Variants in KIF26B observed in about 807,000 individuals in gnomAD.
The protein encoded by KIF26B is kinesin-like protein KIF26B.
Under a neutral mutation model 151.2 loss-of-function variants are expected in KIF26B, and 63 were observed. The ratio of observed to expected loss-of-function variants is 0.42; its 90% confidence interval spans 0.34 to 0.51. The LOEUF (loss-of-function observed/expected upper bound fraction) is 0.51, where lower values mean the gene tolerates loss of function less well. KIF26B is among the 20% of genes least tolerant of loss of function. The probability of loss-of-function intolerance (pLI) is 0.07; values close to 1 mark genes in which losing one functional copy is unlikely to be tolerated. For missense variants in KIF26B, 2,813 were observed against 2,913.6 expected (o/e 0.97, Z 0.79); for synonymous variants, 1,357 against 1,262.1 (o/e 1.08, Z -1.59).
Position 245,596,957 on chromosome 1 carries a change from C to G in KIF26B, c.1351-5620C>G, listed in dbSNP as rs894219252. Among the ~76,000 whole-genome samples, 4 of 152,108 alleles carry G rather than the reference C, an allele frequency of 2.6e-5. No homozygotes were observed. In the East Asian group the frequency reaches 7.7e-4, roughly 29 times the overall value. Reference sequence around the variant, plus strand: ...TTTATCAGACACTACGACCGCAACCCTTGCTTTTTTTGTTTGTTTTCCATT... The same window carrying G: ...TTTATCAGACACTACGACCGCAACCGTTGCTTTTTTTGTTTGTTTTCCATT... On this transcript the variant is annotated intron_variant, in intron 5 of 14. Coordinates refer to ENST00000407071, the MANE Select transcript of KIF26B (RefSeq NM_018012.4).
intron 10 of KIF26B, among the ~76,000 whole-genome samples, chr1:245,663,278 AT>A (rs58826037): frequency 0.68 from 101,569 of 149,164 alleles, 34,517 homozygotes; most frequent in East Asian, 0.83. Flanking sequence ...TCAGAAACCC[AT>A]TTTTTTTTTC....
intron 4 of KIF26B, among the ~76,000 whole-genome samples, chr1:245,513,725 A>G (rs1369132486): frequency 1.3e-5 from 2 of 152,218 alleles, no homozygotes; most frequent in African/African-American, 4.8e-5. Context: ...GTAAAAACCA[A>G]GCGTGGCCTT....
At position 245,488,315 on chromosome 1, in the gene KIF26B, GA is replaced by G. The variant is rs568146094; in HGVS notation, c.1167-52441del. Among the ~76,000 whole-genome samples the G allele has an allele frequency of 7.1e-3, 1,039 of 146,208 alleles. 8 individuals carry two copies. Among genetic ancestry groups the G allele is most frequent in the African/African-American group, 0.021 (838 of 40,110 alleles). On this transcript the variant is annotated intron_variant, in intron 4 of 14. Transcript: ENST00000407071. The surrounding 1 kb of genome is among the most constrained non-coding windows in gnomAD (Gnocchi z 4.6). ...AAAAAGAATCCTCTAACCATATGGG[GA>G]AAAAAAAAAATCAGCAACAACTTTG...
chr1:245,416,602 T>A (rs567584799), intron 3 of KIF26B, among the ~76,000 whole-genome samples: 2 of 152,110 alleles, frequency 1.3e-5, no homozygotes, highest in Admixed American at 1.3e-4. Context: ...ATTGAGGCTC[T>A]GTAAAAGCAT....
At chr1:245,599,364 G>A (rs1023334457) in intron 5 of KIF26B, among the ~76,000 whole-genome samples, 11 of 152,334 alleles carry the variant, frequency 7.2e-5, no homozygotes, top group Admixed American at 1.3e-4. Context: ...GGTTTTTAAA[G>A]AACTGTGTGT....
At chr1:245,220,535 T>C (rs1669745178) in intron 2 of KIF26B, among the ~76,000 whole-genome samples, 1 of 151,798 alleles carries the variant, frequency 6.6e-6, no homozygotes, top group African/African-American at 2.4e-5. Flanking sequence ...AGGTGGAGAG[T>C]GCGCCTCACT....
chr1:245,351,296 G>A (rs1558398807), intron 2 of KIF26B, among the ~76,000 whole-genome samples: 2 of 152,130 alleles, frequency 1.3e-5, no homozygotes, highest in Admixed American at 6.5e-5. Flanking sequence ...GTTGATACGT[G>A]GGCCTTGAGC....
chr1:245,647,664 G>C (rs1350602289), intron 10 of KIF26B, among the ~76,000 whole-genome samples: 7 of 152,112 alleles, frequency 4.6e-5, no homozygotes, highest in Non-Finnish European at 1.0e-4. Flanking sequence ...TTGTGTAGGA[G>C]GAAAAAGTCG....
intron 2 of KIF26B, among the ~76,000 whole-genome samples, chr1:245,224,387 G>C (rs1325455641): frequency 6.6e-6 from 1 of 152,112 alleles, no homozygotes; most frequent in African/African-American, 2.4e-5. Context: ...GGGCGTATAC[G>C]CAGTTGTTTG....
intron 2 of KIF26B, among the ~76,000 whole-genome samples, chr1:245,158,842 G>A (rs984482862): frequency 1.5e-5 from 2 of 137,320 alleles, no homozygotes; most frequent in African/African-American, 3.0e-5. Context: ...TAATAATTGT[G>A]TGTGTGTGTG....
intron 12 of KIF26B, among the ~76,000 whole-genome samples, chr1:245,695,426 C>T (rs956737834): frequency 3.3e-5 from 5 of 152,132 alleles, no homozygotes; most frequent in Non-Finnish European, 1.5e-5. Context: ...GGGAGACAGG[C>T]GCGGGGAGAG....
chr1:245,336,288 G>A (rs776578227), intron 2 of KIF26B, among the ~76,000 whole-genome samples: 1 of 152,276 alleles, frequency 6.6e-6, no homozygotes, highest in Non-Finnish European at 1.5e-5. Flanking sequence ...AAAGAAGAGA[G>A]AGGAAGGAGA....
chr1:245,432,622 A>G (rs556814487), intron 4 of KIF26B, among the ~76,000 whole-genome samples: 1 of 152,284 alleles, frequency 6.6e-6, no homozygotes, highest in East Asian at 1.9e-4. Context: ...TTTTAATTCT[A>G]TAGCTGTCTT....
chr1:245,495,652 C>T lies in KIF26B; in HGVS notation c.1167-45115C>T, dbSNP rs1660497980. Among the ~76,000 whole-genome samples, 2 of 152,184 alleles carry T rather than the reference C, an allele frequency of 1.3e-5. No individual in the cohort carries two copies. The highest frequency in any genetic ancestry group is 2.9e-5 in the Non-Finnish European group (2 of 68,040). On this transcript the variant is annotated intron_variant, in intron 4 of 14. Transcript: ENST00000407071. The surrounding 1 kb of genome is among the most constrained non-coding windows in gnomAD (Gnocchi z 4.2). ...CCATTAATGAACCTCTCCCCATCCA[C>T]CTCTCCTTCCTACCTTTCTCAGCCT...
At position 245,289,239 on chromosome 1, in the gene KIF26B, T is replaced by G. The variant is rs556770539; in HGVS notation, c.466-77595T>G. Among the ~76,000 whole-genome samples, 3 of 152,276 alleles carry G rather than the reference T, an allele frequency of 2.0e-5. No homozygotes were observed. In the South Asian group the frequency reaches 6.2e-4, roughly 32 times the overall value. On this transcript the variant is annotated intron_variant, in intron 2 of 14. Coordinates refer to ENST00000407071, the MANE Select transcript of KIF26B (RefSeq NM_018012.4). Reference sequence around the variant, plus strand: ...TAGAATTTTGATTTAGTCGTAAATGTGGTTACAGGGTGGGATTTGAAAGCA... The same window carrying G: ...TAGAATTTTGATTTAGTCGTAAATGGGGTTACAGGGTGGGATTTGAAAGCA...
At chr1:245,670,558 G>A (rs977668820) in intron 10 of KIF26B, among the ~76,000 whole-genome samples, 5 of 151,620 alleles carry the variant, frequency 3.3e-5, no homozygotes, top group African/African-American at 1.2e-4. Flanking sequence ...AGCAGGAAAT[G>A]AAACAGATAC....
chr1:245,418,635 G>T (rs761467196), intron 3 of KIF26B, among the ~76,000 whole-genome samples: 1 of 152,056 alleles, frequency 6.6e-6, no homozygotes, highest in Non-Finnish European at 1.5e-5. Context: ...AGCATTTAAG[G>T]GTTTGAATAG....
intron 10 of KIF26B, among the ~76,000 whole-genome samples, chr1:245,662,863 A>C (rs565286020): frequency 1.3e-5 from 2 of 148,568 alleles, no homozygotes; most frequent in African/African-American, 5.0e-5. Flanking sequence ...GATTATTCCA[A>C]CTCTCCTTTC....
In KIF26B at chr1:245,203,053, G is replaced by T. The variant is rs565150990; in HGVS notation, c.465+46370G>T. Among the ~76,000 whole-genome samples, 8 of 151,822 alleles carry T rather than the reference G, an allele frequency of 5.3e-5. 1 individual carries two copies. In the East Asian group the frequency reaches 1.6e-3, roughly 30 times the overall value. On this transcript the variant is annotated intron_variant, in intron 2 of 14. Coordinates refer to ENST00000407071, the MANE Select transcript of KIF26B (RefSeq NM_018012.4). ...GTGGATCATGAGGTCAGGAGTTTGA[G>T]ACCAGCCTGGACAACATTTTTAGTC...
Sources: allele counts gnomAD v4.1 joint callset (sites outside exome capture counted in the v4.1 genomes callset), GRCh38; gene constraint gnomAD v4.1.1; non-coding constraint Gnocchi (gnomAD v3.1); transcripts MANE v1.5; gene names NCBI Gene and HGNC (gene_info 2026-07-23, HGNC 2026-07-21).